OCA2: variants seen among roughly 807,000 people sequenced by gnomAD.
OCA2 encodes P protein.
In OCA2, 77 loss-of-function variants were observed where a neutral mutation model predicts 100.2. The observed-to-expected ratio is 0.77, with a 90% CI of 0.64 to 0.93. OCA2 has a LOEUF of 0.93. Ranked by LOEUF, OCA2 falls within the 40% of genes least tolerant of loss-of-function variation. The pLI is 0.00. For missense variants in OCA2, 1,062 were observed against 1,089.1 expected, an observed-to-expected ratio of 0.98 and a Z score of 0.35; for synonymous variants, 432 against 439.2, an observed-to-expected ratio of 0.98 and a Z score of 0.21.
At chr15:27,788,746 A>AT (rs1329927609) in intron 23 of OCA2, among the ~76,000 whole-genome samples, 1 of 151,592 alleles carries the variant, frequency 6.6e-6, no homozygotes, top group African/African-American at 2.4e-5. Flanking sequence ...TATATCTGCT[A>AT]TTTTGCTGTT....
intron 14 of OCA2, among the ~76,000 whole-genome samples, chr15:27,977,529 T>C (rs1013407882): frequency 1.3e-5 from 2 of 152,124 alleles, no homozygotes; most frequent in Non-Finnish European, 2.9e-5. Flanking sequence ...GTCTATAAAA[T>C]TAACTATATA....
intron 18 of OCA2, among the ~76,000 whole-genome samples, chr15:27,947,555 C>G (rs1475764118): frequency 6.6e-6 from 1 of 152,226 alleles, no homozygotes; most frequent in Non-Finnish European, 1.5e-5. Context: ...AAGGTCTGCC[C>G]TGGAGCCCAT....
At chr15:27,976,557 G>T (rs1212851533) in intron 14 of OCA2, among the ~76,000 whole-genome samples, 1 of 152,050 alleles carries the variant, frequency 6.6e-6, no homozygotes, top group Non-Finnish European at 1.5e-5. Flanking sequence ...AAATTACATT[G>T]ATTAATATTT....
intron 15 of OCA2, among the ~76,000 whole-genome samples, chr15:27,960,360 G>C (rs536706011): frequency 2.6e-5 from 4 of 152,292 alleles, no homozygotes; most frequent in African/African-American, 9.6e-5. Context: ...AAACTGGAAA[G>C]AGATATAAGA....
At chr15:28,057,326 T>G (rs1356037655) in intron 2 of OCA2, among the ~76,000 whole-genome samples, 1 of 152,150 alleles carries the variant, frequency 6.6e-6, no homozygotes, top group Non-Finnish European at 1.5e-5. Flanking sequence ...CCAATGCTCA[T>G]GGAAATCAAC....
At chr15:27,821,659 G>A (rs1307022074) in intron 23 of OCA2, among the ~76,000 whole-genome samples, 4 of 145,982 alleles carry the variant, frequency 2.7e-5, no homozygotes, top group Non-Finnish European at 6.0e-5. Flanking sequence ...CACAGACACA[G>A]GCTCACATGC....
intron 1 of OCA2, among the ~76,000 whole-genome samples, chr15:28,094,380 C>G (rs1220091341): frequency 1.3e-5 from 2 of 152,176 alleles, no homozygotes; most frequent in African/African-American, 2.4e-5. Context: ...GTAGGGACAC[C>G]TGCAGCTGGC....
chr15:27,721,287 G>A, the OCA2 span, among the ~76,000 whole-genome samples: 2 of 152,078 alleles, frequency 1.3e-5, no homozygotes, highest in Admixed American at 6.5e-5. Flanking sequence ...AGGATTGCTC[G>A]AGCCCAGGAG....
At chr15:28,002,396 G>C (rs1344810460) in intron 9 of OCA2, among the ~76,000 whole-genome samples, 1 of 152,128 alleles carries the variant, frequency 6.6e-6, no homozygotes, top group Non-Finnish European at 1.5e-5. Flanking sequence ...TTCTCTGCAG[G>C]GTGGAGGTGG....
At chr15:27,862,417 G>A (rs1169849858) in intron 21 of OCA2, among the ~76,000 whole-genome samples, 1 of 152,154 alleles carries the variant, frequency 6.6e-6, no homozygotes, top group East Asian at 1.9e-4. Flanking sequence ...ACCCATACAA[G>A]GGGACATGCT....
At chr15:27,776,974 T>TGGGGGGGGGGGGGGGGGGGGGAGGGAGG (rs368182175) in intron 23 of OCA2, among the ~76,000 whole-genome samples, 1 of 43,174 alleles carries the variant, frequency 2.3e-5, no homozygotes. Context: ...GAGCGTGAGG[T>TGGGGGGGGGGGGGGGGGGGGGAGGGAGG]GGGGGGGGGT....
chr15:27,777,925 T>C (rs1156707141), intron 23 of OCA2, among the ~76,000 whole-genome samples: 1 of 152,226 alleles, frequency 6.6e-6, no homozygotes, highest in Non-Finnish European at 1.5e-5. Flanking sequence ...TCGTGACTCT[T>C]TCTCAGAAAG....
chr15:28,015,751 C>CAA (rs1299863616), intron 8 of OCA2, among the ~76,000 whole-genome samples: 4 of 152,142 alleles, frequency 2.6e-5, no homozygotes, highest in African/African-American at 9.7e-5. Flanking sequence ...TCTAACACAC[C>CAA]AAGCAAGAGT....
At chr15:28,083,034 T>C (rs540855199) in intron 1 of OCA2, among the ~76,000 whole-genome samples, 21 of 152,350 alleles carry the variant, frequency 1.4e-4, no homozygotes, top group African/African-American at 4.8e-4. Flanking sequence ...GGACTGACTG[T>C]GCACTTTGGC....
At chr15:27,962,493 C>G (rs2040439022) in intron 15 of OCA2, among the ~76,000 whole-genome samples, 1 of 152,130 alleles carries the variant, frequency 6.6e-6, no homozygotes, top group Admixed American at 6.6e-5. Context: ...TCCAGGGAAG[C>G]CTAGAGTAGT....
intron 23 of OCA2, among the ~76,000 whole-genome samples, chr15:27,826,576 C>T (rs1272213464): frequency 2.0e-5 from 3 of 152,192 alleles, no homozygotes; most frequent in African/African-American, 7.2e-5. Context: ...TGTGGTGACT[C>T]TTAGCACACC....
Position 28,081,752 on chromosome 15 carries a change from TC to T in OCA2, c.122del (p.Gly41GlufsTer61), listed in dbSNP as rs1407174563. 12 of 1,613,268 alleles carry T rather than the reference TC, an allele frequency of 7.4e-6. No individual in the cohort carries two copies. The Admixed American group carries it at 2.0e-4, about 27-fold the overall frequency. ...LVAGKRRLPR[G>X]AGGADPSHSC... The stretch of plus-strand genomic sequence containing the variant: ...AGTGCGAGGGGTCAGCTCCACCGGC[TC>T]CCCGAGGAAGCCTGCGCTTGCCGGC... On this transcript the variant is annotated frameshift_variant, in exon 2 of 24. Transcript: ENST00000354638. LOFTEE classifies it high-confidence loss of function.
chr15:27,729,022 C>G, the OCA2 span, among the ~76,000 whole-genome samples: 4 of 152,154 alleles, frequency 2.6e-5, no homozygotes, highest in Admixed American at 6.5e-5. Flanking sequence ...ACTGCACTTT[C>G]AACGCTTGGC....
At chr15:28,022,096 A>G (rs2042611615) in intron 6 of OCA2, among the ~76,000 whole-genome samples, 3 of 152,244 alleles carry the variant, frequency 2.0e-5, no homozygotes, top group Admixed American at 2.0e-4. Context: ...GGCATGCAAG[A>G]AGGCCAGAGC....
Sources: gnomAD v4.1 joint callset for allele counts (sites outside exome capture counted in the v4.1 genomes callset) on GRCh38, gnomAD v4.1.1 for gene constraint, MANE v1.5 for transcripts, NCBI Gene and HGNC (gene_info 2026-07-23, HGNC 2026-07-21) for gene names.